Variants in AFAP1 observed in about 807,000 individuals in gnomAD.
The protein encoded by AFAP1 is actin filament associated protein 1.
Under a neutral mutation model 93.9 loss-of-function variants are expected in AFAP1, and 75 were observed. The observed-to-expected ratio is 0.80, with a 90% CI of 0.66 to 0.97. The LOEUF (loss-of-function observed/expected upper bound fraction) is 0.97. Ranked by LOEUF, AFAP1 falls within the 50% of genes least tolerant of loss-of-function variation. AFAP1 has a pLI of 0.00. For missense variants in AFAP1, 1,201 were observed against 1,050.8 expected (o/e 1.14, Z -1.98); for synonymous variants, 517 against 430.7 (o/e 1.20, Z -2.48).
At chr4:7,926,513 A>G (rs1720775321) in intron 1 of AFAP1, among the ~76,000 whole-genome samples, 1 of 152,190 alleles carries the variant, frequency 6.6e-6, no homozygotes, top group South Asian at 2.1e-4. Context: ...CGCACTGCTC[A>G]GCCTCCAGGG....
intron 3 of AFAP1, among the ~76,000 whole-genome samples, chr4:7,856,313 G>C (rs1409947339): frequency 6.6e-6 from 1 of 151,628 alleles, no homozygotes; most frequent in Non-Finnish European, 1.5e-5. Flanking sequence ...CGCAATCTCT[G>C]CTCACTGCAA....
chr4:7,841,059 G>C (rs1350046216), intron 5 of AFAP1, among the ~76,000 whole-genome samples: 1 of 152,214 alleles, frequency 6.6e-6, no homozygotes, highest in Non-Finnish European at 1.5e-5. Flanking sequence ...CAGCAATAGG[G>C]ACAGGCTGCA....
At chr4:7,891,536 C>A (rs1344599541) in intron 1 of AFAP1, among the ~76,000 whole-genome samples, 2 of 152,024 alleles carry the variant, frequency 1.3e-5, no homozygotes, top group Admixed American at 6.6e-5. Flanking sequence ...TAGCATCAGA[C>A]TGGCTGAGCA....
At chr4:7,811,386 A>C (rs1016318089) in intron 8 of AFAP1, among the ~76,000 whole-genome samples, 2 of 151,980 alleles carry the variant, frequency 1.3e-5, no homozygotes, top group Non-Finnish European at 2.9e-5. Context: ...CAGGGACACA[A>C]GACGACGCGC....
intron 3 of AFAP1, among the ~76,000 whole-genome samples, chr4:7,862,669 A>G (rs1261318049): frequency 2.0e-5 from 3 of 152,212 alleles, no homozygotes; most frequent in South Asian, 2.1e-4. Flanking sequence ...TCACATTTAC[A>G]TAAGTTCTGG....
Position 7,838,611 on chromosome 4 carries a change from C to T in AFAP1, c.639G>A (p.Lys213=). Residue 213 remains lysine (K), a synonymous_variant, in exon 6 of 18, where the codon AAG becomes AAA. Coordinates refer to ENST00000420658, the MANE Select transcript of AFAP1 (RefSeq NM_001134647.2). ...ITYIPKDSKK[K]KHELKITQQG... ...GCTGAGTAATCTTCAGCTCGTGCTT[C>T]TTCTTTTTGCTGTCTTTCGGGATGT... 1 of 1,614,152 alleles carries T rather than the reference C, an allele frequency of 6.2e-7. No individual in the cohort carries two copies. Among genetic ancestry groups the T allele is most frequent in the Non-Finnish European group, 8.5e-7 (1 of 1,180,038 alleles).
intron 1 of AFAP1, among the ~76,000 whole-genome samples, chr4:7,919,012 G>C (rs1188412072): frequency 1.4e-5 from 2 of 146,962 alleles, no homozygotes; most frequent in African/African-American, 2.5e-5. Context: ...GGCTGCGGAT[G>C]AGACACTCGG....
At chr4:7,871,909 A>C in intron 2 of AFAP1, 43 bp downstream of exon 2, 1 of 1,607,046 alleles carries the variant, frequency 6.2e-7, no homozygotes, top group Non-Finnish European at 8.5e-7. Context: ...TTAGAAGCCA[A>C]GACACTGTAA....
intron 14 of AFAP1, chr4:7,775,162 G>T: frequency 2.5e-6 from 1 of 401,846 alleles, no homozygotes; most frequent in Non-Finnish European, 4.4e-6. Context: ...GTTTATTCAA[G>T]CAGATAATGG....
chr4:7,817,888 A>T (rs1260000828), intron 7 of AFAP1, among the ~76,000 whole-genome samples: 1 of 151,942 alleles, frequency 6.6e-6, no homozygotes, highest in Non-Finnish European at 1.5e-5. Flanking sequence ...TGCATCCTCT[A>T]TGTGCTGTTG....
intron 1 of AFAP1, among the ~76,000 whole-genome samples, chr4:7,901,261 G>T (rs750078637): frequency 6.6e-6 from 1 of 152,162 alleles, no homozygotes; most frequent in Non-Finnish European, 1.5e-5. Flanking sequence ...GAAGCCAAGG[G>T]TGCCTATTGC....
At chr4:7,909,641 A>T (rs1487745590) in intron 1 of AFAP1, among the ~76,000 whole-genome samples, 1 of 152,234 alleles carries the variant, frequency 6.6e-6, no homozygotes, top group Non-Finnish European at 1.5e-5. Flanking sequence ...ATGGTTCCAA[A>T]GCGCAAGAGC....
chr4:7,836,766 G>A (rs377363324), intron 6 of AFAP1, among the ~76,000 whole-genome samples: 1 of 151,736 alleles, frequency 6.6e-6, no homozygotes, highest in African/African-American at 2.4e-5. Context: ...GTTCTTTTTG[G>A]AGCGACGAAA....
chr4:7,782,374 C>A (rs901773873), intron 12 of AFAP1, among the ~76,000 whole-genome samples: 1 of 152,254 alleles, frequency 6.6e-6, no homozygotes, highest in Non-Finnish European at 1.5e-5. Flanking sequence ...ACACAAACCC[C>A]CTCTGTCCCC....
At chr4:7,768,378 C>T (rs1449710690) in intron 17 of AFAP1, among the ~76,000 whole-genome samples, 1 of 152,214 alleles carries the variant, frequency 6.6e-6, no homozygotes, top group Admixed American at 6.5e-5. Flanking sequence ...CAGGTTCCTC[C>T]GAGGCCCTCA....
intron 1 of AFAP1, among the ~76,000 whole-genome samples, chr4:7,891,778 G>A (rs1477195890): frequency 1.3e-5 from 2 of 149,294 alleles, no homozygotes; most frequent in Non-Finnish European, 3.0e-5. Context: ...GCCGGGCGTG[G>A]TGGCTTACAC....
chr4:7,875,079 C>G (rs551865950), intron 1 of AFAP1, among the ~76,000 whole-genome samples: 1 of 152,242 alleles, frequency 6.6e-6, no homozygotes, highest in South Asian at 2.1e-4. Context: ...TCGTCACTTA[C>G]CTATTGTCAG....
intron 6 of AFAP1, among the ~76,000 whole-genome samples, chr4:7,834,408 T>C (rs902409584): frequency 1.3e-5 from 2 of 152,184 alleles, no homozygotes; most frequent in African/African-American, 2.4e-5. Flanking sequence ...CTGGGTGCAG[T>C]GTATACTGCT....
At chr4:7,823,107 G>A (rs779869568) in intron 6 of AFAP1, among the ~76,000 whole-genome samples, 1 of 152,030 alleles carries the variant, frequency 6.6e-6, no homozygotes, top group Non-Finnish European at 1.5e-5. Flanking sequence ...CTTCTGTGTG[G>A]TCCATAAGGC....
Sources: allele counts gnomAD v4.1 joint callset (sites outside exome capture counted in the v4.1 genomes callset), GRCh38; gene constraint gnomAD v4.1.1; transcripts MANE v1.5; gene names NCBI Gene and HGNC (gene_info 2026-07-23, HGNC 2026-07-21).